Variants in PIAS2 observed in about 807,000 individuals in gnomAD.
PIAS2 encodes E3 SUMO-protein ligase PIAS2.
Under a neutral mutation model 69.7 loss-of-function variants are expected in PIAS2, and 19 were observed. That is an observed-to-expected ratio of 0.27 (90% CI 0.19 to 0.40). PIAS2 has a LOEUF of 0.40. Ranked by LOEUF, PIAS2 falls within the 10% of genes least tolerant of loss-of-function variation. The pLI is 1.00. For missense variants in PIAS2, 624 were observed against 757.0 expected, an observed-to-expected ratio of 0.82 and a Z score of 2.06; for synonymous variants, 261 against 263.2, an observed-to-expected ratio of 0.99 and a Z score of 0.08.
intron 3 of PIAS2, among the ~76,000 whole-genome samples, chr18:46,856,843 C>T (rs534795082): frequency 8.5e-5 from 13 of 152,196 alleles, no homozygotes; most frequent in Non-Finnish European, 1.9e-4. Context: ...CTGGGCCAGT[C>T]TACTCACCGT....
intron 3 of PIAS2, 75 bp from the exon 4 acceptor site, chr18:46,855,690 A>C (rs72909104): frequency 0.014 from 15,796 of 1,098,198 alleles, 136 homozygotes; most frequent in Admixed American, 0.019. Flanking sequence ...AGGAGGAAAA[A>C]AAGGAAAAGC....
intron 9 of PIAS2, among the ~76,000 whole-genome samples, chr18:46,832,561 A>T (rs924125978): frequency 2.6e-5 from 4 of 152,168 alleles, no homozygotes; most frequent in Non-Finnish European, 5.9e-5. Context: ...CCCACAATGG[A>T]GTACCACTAT....
chr18:46,839,567 C>G (rs755174861), intron 8 of PIAS2, among the ~76,000 whole-genome samples: 1 of 152,036 alleles, frequency 6.6e-6, no homozygotes, highest in Non-Finnish European at 1.5e-5. Flanking sequence ...TTTCAAAACC[C>G]CTTTAAACTC....
chr18:46,825,810 G>A (rs1163992054), intron 11 of PIAS2, among the ~76,000 whole-genome samples: 2 of 152,178 alleles, frequency 1.3e-5, no homozygotes, highest in East Asian at 3.8e-4. Flanking sequence ...ATTTACTGAA[G>A]GCCTTTCCAA....
chr18:46,856,266 G>C (rs2047814754), intron 3 of PIAS2, among the ~76,000 whole-genome samples: 1 of 151,884 alleles, frequency 6.6e-6, no homozygotes, highest in African/African-American at 2.4e-5. Flanking sequence ...CTCCCAAAGT[G>C]TCTCATTACA....
chr18:46,873,273 A>T (rs1048516915), intron 2 of PIAS2, among the ~76,000 whole-genome samples: 1 of 152,198 alleles, frequency 6.6e-6, no homozygotes, highest in Admixed American at 6.5e-5. Context: ...AACCACTGAT[A>T]ATTCACTTAA....
At chr18:46,851,104 A>T (rs927805317) in intron 5 of PIAS2, among the ~76,000 whole-genome samples, 4 of 152,182 alleles carry the variant, frequency 2.6e-5, no homozygotes, top group African/African-American at 9.6e-5. Context: ...AGAAATGTTG[A>T]GTTTATGTCA....
chr18:46,879,269 G>C (rs1433792980), intron 2 of PIAS2, among the ~76,000 whole-genome samples: 1 of 152,092 alleles, frequency 6.6e-6, no homozygotes, highest in Non-Finnish European at 1.5e-5. Flanking sequence ...ATTTCTCCAA[G>C]TACATACAAA....
intron 2 of PIAS2, among the ~76,000 whole-genome samples, chr18:46,876,087 C>A (rs2051139018): frequency 1.3e-5 from 2 of 152,228 alleles, no homozygotes; most frequent in Non-Finnish European, 2.9e-5. Flanking sequence ...CTGCCCTGAT[C>A]CATCCGCAAG....
intron 9 of PIAS2, among the ~76,000 whole-genome samples, chr18:46,834,185 C>T (rs1299581959): frequency 1.3e-5 from 2 of 152,016 alleles, no homozygotes; most frequent in Non-Finnish European, 2.9e-5. Context: ...CACAAATGTG[C>T]CTGATGAAAA....
At position 46,809,599 on chromosome 18, in the gene PIAS2, T is replaced by TA. The variant is rs888893222; in HGVS notation, c.*2833dup. ...GGAGAAACCCCGTATCTACTAAAAATACAAAATTAGCTGGGCGTGGTGATA... is the reference window on the plus strand; with the variant it reads ...GGAGAAACCCCGTATCTACTAAAAATAACAAAATTAGCTGGGCGTGGTGATA... On this transcript the variant is annotated 3_prime_UTR_variant, in exon 14 of 14. Coordinates refer to ENST00000585916, the MANE Select transcript of PIAS2 (RefSeq NM_004671.5). 6.6e-6 allele frequency: 1 copy of TA among 152,022 alleles called. No individual in the cohort carries two copies. The highest frequency in any genetic ancestry group is 2.4e-5 in the African/African-American group (1 of 41,348). The allele number at this position is 152,022 out of a possible 1,614,324, so 9.4% of individuals were successfully genotyped here.
At chr18:46,860,406 C>T (rs2048478835) in intron 3 of PIAS2, among the ~76,000 whole-genome samples, 1 of 152,152 alleles carries the variant, frequency 6.6e-6, no homozygotes, top group African/African-American at 2.4e-5. Context: ...AAAATAAAGC[C>T]TAATGAGAGA....
chr18:46,865,404 G>C (rs1026577610), intron 2 of PIAS2, among the ~76,000 whole-genome samples: 1 of 151,934 alleles, frequency 6.6e-6, no homozygotes, highest in African/African-American at 2.4e-5. Flanking sequence ...GCCAGTCATG[G>C]TGGCACGTGC....
At chr18:46,864,109 C>A in intron 3 of PIAS2, 55 bp downstream of exon 3, 1 of 1,046,570 alleles carries the variant, frequency 9.6e-7, no homozygotes, top group East Asian at 2.4e-5. Flanking sequence ...TATGGCAGCC[C>A]TACAGGTGAA....
rs869149927 is a variant in PIAS2 at position 46,807,383 on chromosome 18, A to ATATATATTT, written c.*5049_*5050insAAATATATA. The ATATATATTT allele has an allele frequency of 6.9e-4, 8 of 11,594 alleles. No individual in the cohort carries two copies. Among genetic ancestry groups the ATATATATTT allele is most frequent in the African/African-American group, 4.3e-3 (8 of 1,842 alleles). The allele number at this position is 11,594 out of a possible 1,614,324, so 0.7% of individuals were successfully genotyped here. On this transcript the variant is annotated 3_prime_UTR_variant, in exon 14 of 14. Transcript: ENST00000585916. ...TATATATATATATATATATATATAT[A>ATATATATTT]TTTTTTTTTTTTTTTTTTTTTTTTT... is the stretch of plus-strand genomic sequence containing the variant.
chr18:46,884,388 C>T (rs368574347), intron 2 of PIAS2, among the ~76,000 whole-genome samples: 9 of 151,966 alleles, frequency 5.9e-5, no homozygotes, highest in East Asian at 5.9e-4. Context: ...TCTAGGCTCA[C>T]TGCAAGCTCC....
intron 1 of PIAS2, chr18:46,901,282 G>A (rs2055808330): frequency 1.3e-5 from 5 of 397,500 alleles, no homozygotes; most frequent in South Asian, 7.2e-5. Context: ...CATGGCACAT[G>A]CCTGTACTCC....
intron 1 of PIAS2, among the ~76,000 whole-genome samples, chr18:46,910,802 CAA>C (rs2057176873): frequency 6.6e-6 from 1 of 152,134 alleles, no homozygotes; most frequent in Non-Finnish European, 1.5e-5. Context: ...ATTCCCACAG[CAA>C]AGTTTTCAAA....
In PIAS2 at chr18:46,812,511, A is replaced by T. The variant is rs999004734; in HGVS notation, c.1788T>A (p.Ser596Arg). ...TSSHESSTHV[S>R]SSSSRSETGV... ...CTGTCTCACTCCTGCTGCTGGATGAACTAACATGAGTACTGCTTTCATGGG... is the reference window on the plus strand; with the variant it reads ...CTGTCTCACTCCTGCTGCTGGATGATCTAACATGAGTACTGCTTTCATGGG... The change falls in exon 14 of 14, where the codon AGT (serine) becomes AGA (arginine). Residue 596 changes from serine (S) to arginine (R), a missense_variant. This residue lies in a region of PIAS2 where 241 missense variants were observed against 257.3 expected (regional missense o/e 0.94). Coordinates refer to ENST00000585916, the MANE Select transcript of PIAS2 (RefSeq NM_004671.5). The T allele has an allele frequency of 2.5e-6, 4 of 1,613,128 alleles. No individual in the cohort carries two copies. Among genetic ancestry groups the T allele is most frequent in the Non-Finnish European group, 3.4e-6 (4 of 1,179,126 alleles).
Sources: allele counts gnomAD v4.1 joint callset (sites outside exome capture counted in the v4.1 genomes callset), GRCh38; gene constraint gnomAD v4.1.1; regional missense constraint gnomAD v4.1.1; transcripts MANE v1.5; gene names NCBI Gene and HGNC (gene_info 2026-07-23, HGNC 2026-07-21).